The following BABAM2 variants were observed in gnomAD, a reference collection of about 807,000 sequenced individuals.
The protein encoded by BABAM2 is BRISC and BRCA1 A complex member 2.
BABAM2 carries 31 observed loss-of-function variants against 54.7 expected under a neutral mutation model. The ratio of observed to expected loss-of-function variants is 0.57; its 90% CI spans 0.43 to 0.77. The LOEUF is 0.77. Ranked by LOEUF, BABAM2 falls within the 30% of genes least tolerant of loss-of-function variation. The pLI is 0.00. For synonymous variants in BABAM2, 167 were observed against 162.9 expected, an observed-to-expected ratio of 1.03 and a Z score of -0.19; for missense variants, 364 against 455.8, an observed-to-expected ratio of 0.80 and a Z score of 1.83.
intron 10 of BABAM2, among the ~76,000 whole-genome samples, chr2:28,257,626 G>A (rs902910245): frequency 4.6e-5 from 7 of 152,210 alleles, no homozygotes; most frequent in African/African-American, 1.7e-4. Context: ...GCTCAGGCCT[G>A]TAATCCCAGT....
chr2:28,303,052 G>A (rs763351449), intron 11 of BABAM2, among the ~76,000 whole-genome samples: 1 of 151,392 alleles, frequency 6.6e-6, no homozygotes, highest in South Asian at 2.1e-4. Context: ...ACAATATTTC[G>A]CTATGTTGCC....
intron 10 of BABAM2, among the ~76,000 whole-genome samples, chr2:28,267,438 T>TACACACAC (rs35450423): frequency 2.1e-5 from 3 of 141,742 alleles, no homozygotes; most frequent in African/African-American, 8.1e-5. Flanking sequence ...CACACACACA[T>TACACACAC]ACACACACAC....
At chr2:28,263,131 C>CAA (rs539550619) in intron 10 of BABAM2, among the ~76,000 whole-genome samples, 6,131 of 97,690 alleles carry the variant, frequency 0.063, 217 homozygotes, top group Non-Finnish European at 0.079. Context: ...GACACTGTCT[C>CAA]AAAAAAAAAA....
At chr2:28,061,241 T>C (rs893628508) in intron 6 of BABAM2, among the ~76,000 whole-genome samples, 1 of 151,924 alleles carries the variant, frequency 6.6e-6, no homozygotes, top group Non-Finnish European at 1.5e-5. Flanking sequence ...GAAGAACAGA[T>C]AATCTTTTCA....
intron 7 of BABAM2, among the ~76,000 whole-genome samples, chr2:28,202,066 G>C (rs149503914): frequency 1.3e-5 from 2 of 152,296 alleles, no homozygotes; most frequent in Non-Finnish European, 2.9e-5. Flanking sequence ...AGAACTGGGA[G>C]TGCTCAGAGA....
In BABAM2 at chr2:28,112,185, C is replaced by CCTTCCTTCCTT. The variant is rs1558347181; in HGVS notation, c.571-17085_571-17084insTTCCTTCCTTC. 1.0e-3 allele frequency among the ~76,000 whole-genome samples: 31 copies of CCTTCCTTCCTT among 30,566 alleles called. 3 individuals are homozygous for CCTTCCTTCCTT. Among genetic ancestry groups the CCTTCCTTCCTT allele is most frequent in the South Asian group, 3.8e-3 (1 of 260 alleles). 20.1% of individuals were successfully genotyped at this position (30,566 alleles called of 152,430 possible). On this transcript the variant is annotated intron_variant, in intron 6 of 11. Coordinates refer to ENST00000379624, the MANE Select transcript of BABAM2 (RefSeq NM_199191.3). The stretch of plus-strand genomic sequence containing the variant: ...TCCCTCCCTCCCTCCCTCCCTCCCT[C>CCTTCCTTCCTT]CCTCCCTCCCTCCCTTCCTTCCTTC...
At chr2:28,063,249 G>A (rs995715546) in intron 6 of BABAM2, among the ~76,000 whole-genome samples, 1 of 152,186 alleles carries the variant, frequency 6.6e-6, no homozygotes, top group Non-Finnish European at 1.5e-5. Flanking sequence ...TTCTCATCAC[G>A]TGGGAAAAGA....
chr2:27,941,321 T>C (rs1668861038), intron 3 of BABAM2, among the ~76,000 whole-genome samples: 1 of 151,980 alleles, frequency 6.6e-6, no homozygotes, highest in African/African-American at 2.4e-5. Context: ...TCCCAGAACT[T>C]TGGGAGGTCG....
intron 7 of BABAM2, among the ~76,000 whole-genome samples, chr2:28,235,607 C>T (rs1056559482): frequency 6.6e-6 from 1 of 152,118 alleles, no homozygotes; most frequent in Non-Finnish European, 1.5e-5. Flanking sequence ...CTCCCTGTAT[C>T]ACAAACCCTA....
Position 28,322,239 on chromosome 2 carries a change from G to A in BABAM2, c.1089-16211G>A, listed in dbSNP as rs994566993. Among the ~76,000 whole-genome samples, 10 of 152,058 alleles carry A rather than the reference G, an allele frequency of 6.6e-5. No homozygotes were observed. The highest frequency in any genetic ancestry group is 2.4e-4 in the African/African-American group (10 of 41,398). ...GAGCTTCCAGCTGCCCCTACCATTC[G>A]GTGCACAAGTGTCCCTGAACTTCGG... On this transcript the variant is annotated intron_variant, in intron 11 of 11. Coordinates refer to ENST00000379624, the MANE Select transcript of BABAM2 (RefSeq NM_199191.3). The surrounding 1 kb of genome is among the most constrained non-coding windows in gnomAD (Gnocchi z 4.1).
intron 2 of BABAM2, among the ~76,000 whole-genome samples, chr2:27,898,124 T>C (rs1665488863): frequency 1.3e-5 from 2 of 152,228 alleles, no homozygotes; most frequent in African/African-American, 4.8e-5. Flanking sequence ...TTTCCCACAC[T>C]TTCATGTTTC....
intron 10 of BABAM2, among the ~76,000 whole-genome samples, chr2:28,298,043 C>T (rs1258808193): frequency 1.3e-5 from 2 of 152,180 alleles, no homozygotes; most frequent in African/African-American, 4.8e-5. Context: ...AAGCATCCTT[C>T]CCTAAGCTTC....
At chr2:27,893,917 C>T (rs1387708649) in intron 1 of BABAM2, among the ~76,000 whole-genome samples, 1 of 150,960 alleles carries the variant, frequency 6.6e-6, no homozygotes, top group Non-Finnish European at 1.5e-5. Flanking sequence ...TCACTTGAAC[C>T]CGGGAGGTGG....
At chr2:28,161,198 G>A (rs1673059262) in intron 7 of BABAM2, among the ~76,000 whole-genome samples, 1 of 152,178 alleles carries the variant, frequency 6.6e-6, no homozygotes, top group Non-Finnish European at 1.5e-5. Flanking sequence ...TGCCATTGTG[G>A]AGCAGAGAGC....
chr2:28,337,698 A>G (rs1691592021), intron 11 of BABAM2, among the ~76,000 whole-genome samples: 1 of 152,212 alleles, frequency 6.6e-6, no homozygotes, highest in African/African-American at 2.4e-5. Flanking sequence ...TTTAGAAATT[A>G]TTAGGGCTGG....
chr2:27,953,657 A>T (rs529281761), intron 3 of BABAM2, among the ~76,000 whole-genome samples: 20 of 152,284 alleles, frequency 1.3e-4, no homozygotes, highest in African/African-American at 4.3e-4. Flanking sequence ...AAAAAAAAAA[A>T]ATATTTCTTT....
At chr2:27,930,325 C>A (rs936877990) in intron 3 of BABAM2, 4 of 175,994 alleles carry the variant, frequency 2.3e-5, no homozygotes, top group Non-Finnish European at 4.8e-5. Context: ...ACTGATTTAT[C>A]TCCTGTTGTT....
rs70956008 is a variant in BABAM2, at chr2:28,258,615, C to CTTTTTTTTTTTTTTTTT, written c.934+13769_934+13770insTTTTTTTTTTTTTTTTT. Among the ~76,000 whole-genome samples the CTTTTTTTTTTTTTTTTT allele has an allele frequency of 1.6e-4, 16 of 100,044 alleles. 1 individual carries two copies. The highest frequency in any genetic ancestry group is 2.6e-4 in the Admixed American group (2 of 7,766). The allele number at this position is 100,044 out of a possible 152,430, so 65.6% of individuals were successfully genotyped here. A position where few individuals can be genotyped will look rare whatever the true frequency, so the allele number is the denominator to read the frequency against. ...CTTAAGTCTTTTTCTTTTTTCTTTT[C>CTTTTTTTTTTTTTTTTT]TTTTTTTTTTTTTTTTGAGACAGGA... On this transcript the variant is annotated intron_variant, in intron 10 of 11. Coordinates refer to ENST00000379624, the MANE Select transcript of BABAM2 (RefSeq NM_199191.3).
chr2:27,941,504 C>G (rs180730300), intron 3 of BABAM2, among the ~76,000 whole-genome samples: 4 of 151,016 alleles, frequency 2.6e-5, no homozygotes, highest in Non-Finnish European at 5.9e-5. Context: ...TGCAGCTAGC[C>G]GAGATCGCGG....
Sources: allele counts gnomAD v4.1 joint callset (sites outside exome capture counted in the v4.1 genomes callset), GRCh38; gene constraint gnomAD v4.1.1; non-coding constraint Gnocchi (gnomAD v3.1); transcripts MANE v1.5; gene names NCBI Gene and HGNC (gene_info 2026-07-23, HGNC 2026-07-21).